RBM20: variants seen among roughly 807,000 people sequenced by gnomAD.
The protein encoded by RBM20 is RNA binding motif protein 20.
RBM20 carries 51 observed loss-of-function variants against 110.1 expected under a neutral mutation model. The ratio of observed to expected loss-of-function variants is 0.46; its 90% confidence interval spans 0.37 to 0.59. RBM20 has a LOEUF of 0.59. RBM20 is among the 20% of genes least tolerant of loss of function. RBM20 has a pLI of 0.00. For synonymous variants in RBM20, 589 were observed against 618.2 expected (o/e 0.95, Z 0.70); for missense variants, 1,512 against 1,574.9 (o/e 0.96, Z 0.68).
intron 1 of RBM20, among the ~76,000 whole-genome samples, chr10:110,769,196 A>G (rs1844151400): frequency 6.6e-6 from 1 of 152,222 alleles, no homozygotes; most frequent in African/African-American, 2.4e-5. Context: ...CTTCCCAAGT[A>G]ATTCCTAAGT....
chr10:110,775,664 G>C (rs1844251936), intron 1 of RBM20, among the ~76,000 whole-genome samples: 1 of 152,124 alleles, frequency 6.6e-6, no homozygotes, highest in Non-Finnish European at 1.5e-5. Flanking sequence ...TGACCCTGTA[G>C]CTCCAACTAC....
intron 1 of RBM20, among the ~76,000 whole-genome samples, chr10:110,647,256 G>A (rs1861882350): frequency 6.6e-6 from 1 of 152,220 alleles, no homozygotes; most frequent in South Asian, 2.1e-4. Context: ...GAAGCGTGAT[G>A]ACTAATAATG....
intron 1 of RBM20, among the ~76,000 whole-genome samples, chr10:110,680,872 C>A (rs1368174129): frequency 6.6e-6 from 1 of 152,210 alleles, no homozygotes; most frequent in African/African-American, 2.4e-5. Context: ...CTGTTTCTCT[C>A]GTGTGCTCCC....
chr10:110,814,844 GT>G (rs528510981), intron 9 of RBM20, among the ~76,000 whole-genome samples: 14 of 152,294 alleles, frequency 9.2e-5, no homozygotes, highest in Admixed American at 2.6e-4. Context: ...AAGAAAGACT[GT>G]TTTGAAGAAC....
intron 1 of RBM20, among the ~76,000 whole-genome samples, chr10:110,687,748 C>T (rs560171013): frequency 3.9e-5 from 6 of 152,106 alleles, no homozygotes; most frequent in Non-Finnish European, 5.9e-5. Context: ...CTACATATCT[C>T]GAATGAGAAA....
chr10:110,698,533 C>T (rs374256439), intron 1 of RBM20, among the ~76,000 whole-genome samples: 161 of 152,296 alleles, frequency 1.1e-3, no homozygotes, highest in African/African-American at 3.6e-3. Flanking sequence ...GGGCCACAGA[C>T]GTTCTGGACA....
At chr10:110,764,036 G>A (rs1844044813) in intron 1 of RBM20, among the ~76,000 whole-genome samples, 1 of 152,072 alleles carries the variant, frequency 6.6e-6, no homozygotes, top group African/African-American at 2.4e-5. Context: ...TAGAGCAAAG[G>A]AGAACTCACT....
intron 1 of RBM20, among the ~76,000 whole-genome samples, chr10:110,679,109 C>T (rs1243387035): frequency 2.6e-5 from 4 of 152,194 alleles, no homozygotes; most frequent in South Asian, 2.1e-4. Context: ...TATAAGTACT[C>T]CTGTCTTCCT....
intron 1 of RBM20, among the ~76,000 whole-genome samples, chr10:110,703,060 G>A (rs567672614): frequency 7.4e-6 from 1 of 135,256 alleles, no homozygotes; most frequent in East Asian, 2.4e-4. Flanking sequence ...TGAGATAATT[G>A]TAGATTCAGA....
At chr10:110,744,630 G>A (rs1334525814) in intron 1 of RBM20, among the ~76,000 whole-genome samples, 1 of 152,132 alleles carries the variant, frequency 6.6e-6, no homozygotes, top group Non-Finnish European at 1.5e-5. Context: ...AGCCCTCCAG[G>A]TGTGTCTGAG....
chr10:110,800,791 G>T (rs1287912594), intron 7 of RBM20, among the ~76,000 whole-genome samples: 1 of 152,146 alleles, frequency 6.6e-6, no homozygotes, highest in East Asian at 1.9e-4. Flanking sequence ...ATGGAATTAT[G>T]CTGTGTTCTT....
chr10:110,690,065 G>A (rs901802159), intron 1 of RBM20, among the ~76,000 whole-genome samples: 3 of 152,072 alleles, frequency 2.0e-5, no homozygotes, highest in Non-Finnish European at 2.9e-5. Context: ...AACAACTATG[G>A]CCTTTTTTTA....
chr10:110,672,062 T>C (rs1388076634), intron 1 of RBM20, among the ~76,000 whole-genome samples: 2 of 145,456 alleles, frequency 1.4e-5, no homozygotes, highest in Non-Finnish European at 3.1e-5. Context: ...TTAGGGACTC[T>C]TCTTCCTATC....
chr10:110,657,077 C>T (rs1862036540), intron 1 of RBM20, among the ~76,000 whole-genome samples: 1 of 151,160 alleles, frequency 6.6e-6, no homozygotes, highest in Non-Finnish European at 1.5e-5. Flanking sequence ...AGTGCATTGG[C>T]GTGATCTCGA....
chr10:110,799,671 C>T (rs576165971), intron 6 of RBM20, 116 bp from the exon 7 acceptor site: 180 of 988,824 alleles, frequency 1.8e-4, no homozygotes, highest in Admixed American at 5.5e-4. Context: ...CTCCTGTCAC[C>T]GTTGATTAGT....
rs75131669 is a variant in RBM20 at position 110,649,988 on chromosome 10, G to A, written c.191+5343G>A. On this transcript the variant is annotated intron_variant, in intron 1 of 13. Coordinates refer to ENST00000369519, the MANE Select transcript of RBM20 (RefSeq NM_001134363.3). ...TGAATTTGGTTTGCAACACCACCAC[G>A]GGGGTATTGTTGGTGAGCTGATAGT... 2.1e-3 allele frequency among the ~76,000 whole-genome samples: 315 copies of A among 152,312 alleles called. 1 individual carries two copies. Among genetic ancestry groups the A allele is most frequent in the African/African-American group, 7.0e-3 (290 of 41,564 alleles).
chr10:110,822,166 C>G (rs1488640274), intron 11 of RBM20, among the ~76,000 whole-genome samples: 3 of 152,218 alleles, frequency 2.0e-5, no homozygotes, highest in African/African-American at 7.2e-5. Context: ...TGCATGTTTT[C>G]TGAGAAGCAA....
intron 1 of RBM20, among the ~76,000 whole-genome samples, chr10:110,715,126 T>C (rs539927524): frequency 4.6e-5 from 7 of 152,218 alleles, no homozygotes; most frequent in African/African-American, 1.7e-4. Flanking sequence ...CAGACTCCTG[T>C]AATCCCAGCT....
At chr10:110,799,361 C>A (rs531038924) in intron 6 of RBM20, among the ~76,000 whole-genome samples, 3 of 152,236 alleles carry the variant, frequency 2.0e-5, no homozygotes, top group East Asian at 3.9e-4. Flanking sequence ...CAGGAAAGGG[C>A]CATCTTATAA....
Sources: allele counts gnomAD v4.1 joint callset (sites outside exome capture counted in the v4.1 genomes callset), GRCh38; gene constraint gnomAD v4.1.1; transcripts MANE v1.5; gene names NCBI Gene and HGNC (gene_info 2026-07-23, HGNC 2026-07-21).